LAMA3: variants seen among roughly 807,000 people sequenced by gnomAD.
LAMA3 encodes laminin subunit alpha-3.
LAMA3 carries 281 observed loss-of-function variants against 402.0 expected under a neutral mutation model. The ratio of observed to expected loss-of-function variants is 0.70; its 90% CI spans 0.63 to 0.77. The LOEUF (loss-of-function observed/expected upper bound fraction) is 0.77, where lower values mean the gene tolerates loss of function less well. Among genes scored for constraint, LAMA3 ranks in the 30% least tolerant of loss-of-function variants. The pLI is 0.00. For synonymous variants in LAMA3, 1,431 were observed against 1,558.4 expected, an observed-to-expected ratio of 0.92 and a Z score of 1.93; for missense variants, 3,840 against 4,215.5, an observed-to-expected ratio of 0.91 and a Z score of 2.47.
intron 1 of LAMA3, among the ~76,000 whole-genome samples, chr18:23,693,642 G>C (rs1407133635): frequency 6.6e-6 from 1 of 151,886 alleles, no homozygotes; most frequent in Non-Finnish European, 1.5e-5. Context: ...TATAGAAATA[G>C]TAACTTGTTT....
intron 11 of LAMA3, among the ~76,000 whole-genome samples, chr18:23,777,948 A>G (rs1301647557): frequency 1.3e-5 from 2 of 152,230 alleles, no homozygotes; most frequent in African/African-American, 4.8e-5. Context: ...ATGGAGAGCA[A>G]GTCATTTATT....
At chr18:23,921,121 C>A in intron 61 of LAMA3, 67 bp downstream of exon 61, 1 of 1,505,044 alleles carries the variant, frequency 6.6e-7, no homozygotes, top group Non-Finnish European at 9.2e-7. Flanking sequence ...TAAGTCAGTG[C>A]CCCCAAATAA....
At chr18:23,836,611 C>G (rs549804582) in intron 24 of LAMA3, among the ~76,000 whole-genome samples, 9 of 152,250 alleles carry the variant, frequency 5.9e-5, no homozygotes, top group Admixed American at 5.2e-4. Flanking sequence ...GGGATGGTGG[C>G]TGTGAGGCTA....
intron 32 of LAMA3, among the ~76,000 whole-genome samples, chr18:23,855,628 A>G (rs112600583): frequency 3.3e-5 from 5 of 152,174 alleles, no homozygotes; most frequent in African/African-American, 1.2e-4. Context: ...GTATATGAGA[A>G]TGAGTCTTTC....
At chr18:23,813,219 T>C in intron 14 of LAMA3, 116 bp downstream of exon 14, 1 of 727,940 alleles carries the variant, frequency 1.4e-6, no homozygotes. Context: ...GCTAAATTGC[T>C]TAAAGAGGTC....
chr18:23,813,271 T>TG (rs2063110400), intron 14 of LAMA3, among the ~76,000 whole-genome samples, 168 bp downstream of exon 14: 1 of 151,652 alleles, frequency 6.6e-6, no homozygotes, highest in African/African-American at 2.4e-5. Flanking sequence ...TGTGATTTTT[T>TG]TTTTCAAAAA....
intron 9 of LAMA3, among the ~76,000 whole-genome samples, chr18:23,774,135 A>C (rs1011698208): frequency 6.6e-6 from 1 of 152,284 alleles, no homozygotes; most frequent in East Asian, 1.9e-4. Flanking sequence ...AGGCATGAGA[A>C]TTGCTTGAAC....
At chr18:23,938,790 G>GT (rs1225417515) in intron 67 of LAMA3, among the ~76,000 whole-genome samples, 4 of 143,070 alleles carry the variant, frequency 2.8e-5, no homozygotes, top group Non-Finnish European at 4.5e-5. Flanking sequence ...CCAGACTTGT[G>GT]TAAGATGAGA....
chr18:23,883,654 C>A (rs557056745), intron 40 of LAMA3, among the ~76,000 whole-genome samples: 2 of 152,324 alleles, frequency 1.3e-5, no homozygotes, highest in African/African-American at 2.4e-5. Context: ...GTGAAGCCCG[C>A]CCCATCCTGC....
intron 8 of LAMA3, among the ~76,000 whole-genome samples, chr18:23,772,926 A>AG (rs2062232989): frequency 6.6e-6 from 1 of 152,244 alleles, no homozygotes; most frequent in Non-Finnish European, 1.5e-5. Flanking sequence ...AGAGCTGCCT[A>AG]GTATTGTACT....
At chr18:23,828,228 T>C (rs994251924) in intron 23 of LAMA3, among the ~76,000 whole-genome samples, 3 of 152,222 alleles carry the variant, frequency 2.0e-5, no homozygotes, top group Non-Finnish European at 2.9e-5. Context: ...TGAAAATATA[T>C]GTGGAGTTAA....
Position 23,847,675 on chromosome 18 carries a change from T to C in LAMA3, c.4136+7T>C, listed in dbSNP as rs1033043072. On this transcript the variant is annotated splice_region_variant and intron_variant, in intron 32 of 74. Transcript: ENST00000313654. ...GGGACAGCGGGCAGTGCAGGTGAGC[T>C]GGGGGAGTAGCCTGTCTGCTTCTGT... is the stretch of plus-strand genomic sequence containing the variant. 6.2e-6 allele frequency: 10 copies of C among 1,611,396 alleles called. No individual in the cohort carries two copies. The Admixed American group carries it at 1.7e-4, about 27-fold the overall frequency.
chr18:23,742,110 A>G (rs1168770057), intron 2 of LAMA3, among the ~76,000 whole-genome samples: 1 of 152,252 alleles, frequency 6.6e-6, no homozygotes, highest in Non-Finnish European at 1.5e-5. Flanking sequence ...CGACAGAGTG[A>G]AACTCTGACT....
rs746755387 is a variant in LAMA3, at chr18:23,851,283, G to A, written c.4136+3615G>A. On this transcript the variant is annotated intron_variant, in intron 32 of 74. Coordinates refer to ENST00000313654, the MANE Select transcript of LAMA3 (RefSeq NM_198129.4). ...GGTTCTCACCTGCACGACCTCTGTCGTCCTTCGTCTCCTGTAATACTGGCA... is the reference window on the plus strand; with the variant it reads ...GGTTCTCACCTGCACGACCTCTGTCATCCTTCGTCTCCTGTAATACTGGCA... Among the ~76,000 whole-genome samples, 7 of 152,206 alleles carry A rather than the reference G, an allele frequency of 4.6e-5. No homozygotes were observed. The East Asian group carries it at 5.8e-4, about 13-fold the overall frequency.
At chr18:23,757,083 G>T (rs1411351051) in intron 6 of LAMA3, among the ~76,000 whole-genome samples, 1 of 151,874 alleles carries the variant, frequency 6.6e-6, no homozygotes, top group Non-Finnish European at 1.5e-5. Flanking sequence ...CAACAGGGAG[G>T]CGCGTGCTTC....
In LAMA3 at chr18:23,855,607, C is replaced by T. The variant is rs556035821; in HGVS notation, c.4137-2237C>T. Reference sequence around the variant, plus strand: ...CCAGGAGCCCTCTGATAAGAGAATGCAAAATTGTGTGTATATGAGAATGAG... The same window carrying T: ...CCAGGAGCCCTCTGATAAGAGAATGTAAAATTGTGTGTATATGAGAATGAG... On this transcript the variant is annotated intron_variant, in intron 32 of 74. Transcript: ENST00000313654. Among the ~76,000 whole-genome samples the T allele has an allele frequency of 2.2e-4, 33 of 152,274 alleles. 1 individual carries two copies. Among genetic ancestry groups the T allele is most frequent in the Non-Finnish European group, 3.7e-4 (25 of 68,026 alleles).
chr18:23,950,219 G>A (rs959668872), intron 72 of LAMA3, 60 bp downstream of exon 72: 4 of 1,602,448 alleles, frequency 2.5e-6, no homozygotes, highest in Non-Finnish European at 3.4e-6. Flanking sequence ...ATGTCTGGAG[G>A]CCACAGCGGG....
chr18:23,877,839 C>T (rs369620795), intron 39 of LAMA3, among the ~76,000 whole-genome samples: 4 of 152,252 alleles, frequency 2.6e-5, no homozygotes, highest in Admixed American at 6.5e-5. Flanking sequence ...TGGCCGGGCA[C>T]GGTGGCTCAT....
In LAMA3 at chr18:23,954,620, T is replaced by A; in HGVS notation, c.9974T>A (p.Val3325Asp). 1 of 1,614,022 alleles carries A rather than the reference T, an allele frequency of 6.2e-7. No homozygotes were observed. Among genetic ancestry groups the A allele is most frequent in the South Asian group, 1.1e-5 (1 of 91,074 alleles). The change falls in exon 75 of 75, where the codon GTC becomes GAC. Residue 3325 changes from valine to aspartate, a missense_variant. By Grantham distance (152) the Val-to-Asp change is radical (BLOSUM62 -3). Around this residue, in one of 3 missense-constraint regions of LAMA3, gnomAD observed 840 missense variants for 981.9 expected, o/e 0.86. Coordinates refer to ENST00000313654, the MANE Select transcript of LAMA3 (RefSeq NM_198129.4). ...VTEALEVQGPVSLNGCPDQ is the reference protein window; with the variant it reads ...VTEALEVQGPDSLNGCPDQ ...GAAGCCTTGGAAGTCCAGGGGCCTG[T>A]CAGTCTGAATGGTTGTCCTGACCAG...
Sources: allele counts gnomAD v4.1 joint callset (sites outside exome capture counted in the v4.1 genomes callset), GRCh38; gene constraint gnomAD v4.1.1; regional missense constraint gnomAD v4.1.1; transcripts MANE v1.5; gene names NCBI Gene and HGNC (gene_info 2026-07-23, HGNC 2026-07-21).